ETNK2: variants seen among roughly 807,000 people sequenced by gnomAD.
ETNK2 encodes ethanolamine kinase 2.
A neutral mutation model predicts 46.2 loss-of-function variants in ETNK2; 33 were observed. The ratio of observed to expected loss-of-function variants is 0.71; its 90% CI spans 0.54 to 0.96. The LOEUF is 0.96. ETNK2 is among the 40% of genes least tolerant of loss of function. ETNK2 has a pLI of 0.00. For missense variants in ETNK2, 445 were observed against 509.7 expected, an observed-to-expected ratio of 0.87 and a Z score of 1.22; for synonymous variants, 194 against 209.0, an observed-to-expected ratio of 0.93 and a Z score of 0.62.
chr1:204,151,828 G>C lies in ETNK2; in HGVS notation c.25C>G (p.Gln9Glu). The C allele has an allele frequency of 2.0e-6, 3 of 1,472,702 alleles. No individual in the cohort carries two copies. In the South Asian group the frequency reaches 4.2e-5, roughly 21 times the overall value. The allele number at this position is 1,472,702 out of a possible 1,614,324, so 91.2% of individuals were successfully genotyped here. ...CTCAGGTGAAAGGACGCGCGCGGCT[G>C]AGGGGCCGAAGGGGGCACAGCCATT... MAVPPSAP[Q>E]PRASFHLRRH... The change falls in exon 1 of 8, where the codon CAG becomes GAG. Residue 9 changes from glutamine to glutamate, a missense_variant. Coordinates refer to ENST00000367202, the MANE Select transcript of ETNK2 (RefSeq NM_018208.4). This position sits in a 1 kb window ranked among gnomAD's most constrained non-coding sequence, Gnocchi z 8.0.
Position 204,134,553 on chromosome 1 carries a change from G to A in ETNK2, c.1050C>T (p.Ile350=). The stretch of plus-strand genomic sequence containing the variant: ...AGTCGATGGTGGAGTACTGGTTCTG[G>A]ATGAGGGCCCAGAGAGCCCAGAAGA... ...SHFFWALWAL[I]QNQYSTIDFD... Residue 350 remains isoleucine, a synonymous_variant, in exon 7 of 8, where the codon ATC becomes ATT. Coordinates refer to ENST00000367202, the MANE Select transcript of ETNK2 (RefSeq NM_018208.4). 1.2e-6 allele frequency: 2 copies of A among 1,613,996 alleles called. No individual in the cohort carries two copies. The highest frequency in any genetic ancestry group is 1.7e-6 in the Non-Finnish European group (2 of 1,179,882).
chr1:204,141,146 G>T, intron 4 of ETNK2, 169 bp downstream of exon 4: 1 of 870,038 alleles, frequency 1.1e-6, no homozygotes, highest in Non-Finnish European at 1.9e-6. Context: ...ACTTTTCAAA[G>T]TGGGAATTTT....
intron 4 of ETNK2, 73 bp downstream of exon 4, chr1:204,141,242 A>T (rs771592260): frequency 6.3e-7 from 1 of 1,596,204 alleles, no homozygotes; most frequent in Non-Finnish European, 8.6e-7. Flanking sequence ...GCCAGCCGGA[A>T]GAACAGCTCC....
At chr1:204,138,027 T>A (rs985745858) in intron 5 of ETNK2, among the ~76,000 whole-genome samples, 2 of 152,172 alleles carry the variant, frequency 1.3e-5, no homozygotes, top group Non-Finnish European at 2.9e-5. Flanking sequence ...GTTCCCTCCT[T>A]CCTCTTCTTC....
Position 204,149,886 on chromosome 1 carries a change from C to A in ETNK2, c.335G>T (p.Arg112Leu), listed in dbSNP as rs751819221. The A allele has an allele frequency of 1.3e-6, 2 of 1,586,308 alleles. No homozygotes were observed. The highest frequency in any genetic ancestry group is 3.6e-5 in the Admixed American group (2 of 55,906). The change falls in exon 2 of 8, where the codon CGG becomes CTG. Residue 112 changes from arginine (R) to leucine (L), a missense_variant. By Grantham distance (102) the Arg-to-Leu change is moderately radical. Transcript: ENST00000367202. ...EEDMQDCVLV[R>L]VYGERTELLV... ...CAGCTCCGTCCGCTCCCCATACACCCGGACCAGCACGCAGTCCTGCATGTC... is the reference window on the plus strand; with the variant it reads ...CAGCTCCGTCCGCTCCCCATACACCAGGACCAGCACGCAGTCCTGCATGTC...
chr1:204,135,983 G>T (rs1657264622), intron 6 of ETNK2, among the ~76,000 whole-genome samples: 1 of 152,190 alleles, frequency 6.6e-6, no homozygotes, highest in Non-Finnish European at 1.5e-5. Flanking sequence ...ATTTGAGCAG[G>T]AAGAGCCTGT....
At chr1:204,139,119 A>G (rs1301421872) in intron 5 of ETNK2, among the ~76,000 whole-genome samples, 1 of 152,224 alleles carries the variant, frequency 6.6e-6, no homozygotes, top group African/African-American at 2.4e-5. Flanking sequence ...AGGGTCACAC[A>G]GCCAGTAAGC....
At chr1:204,138,783 G>C (rs966022008) in intron 5 of ETNK2, 1 of 152,272 alleles carries the variant, frequency 6.6e-6, no homozygotes, top group African/African-American at 2.4e-5. Flanking sequence ...GTCCAGCTCC[G>C]TCCATGTGAG....
intron 1 of ETNK2, 34 bp from the exon 2 acceptor site, chr1:204,149,996 GGGT>G: frequency 1.3e-5 from 6 of 449,318 alleles, no homozygotes; most frequent in South Asian, 1.7e-5. Flanking sequence ...GTGGGTGGGT[GGGT>G]GGGGCAGGAT....
intron 6 of ETNK2, among the ~76,000 whole-genome samples, chr1:204,136,389 C>G (rs1258500169): frequency 7.2e-6 from 1 of 137,976 alleles, no homozygotes; most frequent in Non-Finnish European, 1.5e-5. Flanking sequence ...GAGCGGGACC[C>G]TGTCTCAAAA....
chr1:204,146,557 C>A, intron 3 of ETNK2, 85 bp downstream of exon 3: 1 of 1,542,230 alleles, frequency 6.5e-7, no homozygotes. Context: ...AGCCCTTAAA[C>A]CTCCTAGCAG....
intron 1 of ETNK2, 39 bp from the exon 2 acceptor site, chr1:204,150,001 G>C: frequency 2.4e-6 from 1 of 423,954 alleles, no homozygotes; most frequent in Non-Finnish European, 4.9e-6. Context: ...TGGGTGGGTG[G>C]GGCAGGATCT....
chr1:204,150,003 G>A (rs1657945812), intron 1 of ETNK2, 41 bp from the exon 2 acceptor site: 4 of 432,122 alleles, frequency 9.3e-6, no homozygotes, highest in African/African-American at 2.1e-5. Flanking sequence ...GGTGGGTGGG[G>A]CAGGATCTCT....
intron 2 of ETNK2, among the ~76,000 whole-genome samples, chr1:204,148,340 C>T (rs1182000285): frequency 3.3e-5 from 5 of 152,210 alleles, no homozygotes; most frequent in South Asian, 4.1e-4. Context: ...GTGACAGCAT[C>T]GGATACACAG....
At position 204,131,966 on chromosome 1, in the gene ETNK2, G is replaced by C. The variant is rs1036459335; in HGVS notation, c.*218C>G. 2 of 571,208 alleles carry C rather than the reference G, an allele frequency of 3.5e-6. No homozygotes were observed. The highest frequency in any genetic ancestry group is 4.7e-4 in the Middle Eastern group (1 of 2,116). The allele number at this position is 571,208 out of a possible 1,614,324, so 35.4% of individuals were successfully genotyped here. Reference sequence around the variant, plus strand: ...CTCCCAAGCCTGGTGGGGTGAAGGGGACCCCCGGAAGGGGGTCCTATCAGC... The same window carrying C: ...CTCCCAAGCCTGGTGGGGTGAAGGGCACCCCCGGAAGGGGGTCCTATCAGC... On this transcript the variant is annotated 3_prime_UTR_variant, in exon 8 of 8. Coordinates refer to ENST00000367202, the MANE Select transcript of ETNK2 (RefSeq NM_018208.4). This position sits in a 1 kb window ranked among gnomAD's most constrained non-coding sequence, Gnocchi z 4.3.
intron 3 of ETNK2, among the ~76,000 whole-genome samples, chr1:204,143,951 A>T (rs991037536): frequency 1.4e-4 from 22 of 152,114 alleles, no homozygotes; most frequent in Non-Finnish European, 2.6e-4. Flanking sequence ...CTATTTCCAC[A>T]GGTGTCCGAC....
At chr1:204,135,018 G>C (rs1657228532) in intron 6 of ETNK2, among the ~76,000 whole-genome samples, 1 of 152,192 alleles carries the variant, frequency 6.6e-6, no homozygotes, top group Admixed American at 6.5e-5. Context: ...TCAGTGGGGG[G>C]CTGGAGCCTC....
intron 4 of ETNK2, 195 bp downstream of exon 4, chr1:204,141,120 C>T: frequency 2.7e-6 from 2 of 737,396 alleles, no homozygotes; most frequent in Non-Finnish European, 4.8e-6. Flanking sequence ...GCCACTGAGA[C>T]TGGCCCTTGG....
intron 3 of ETNK2, among the ~76,000 whole-genome samples, chr1:204,144,429 A>C (rs1241425618): frequency 1.3e-5 from 2 of 150,670 alleles, no homozygotes; most frequent in East Asian, 1.9e-4. Context: ...TGGGCACTTC[A>C]GGGGAATCTT....
Sources: allele counts gnomAD v4.1 joint callset (sites outside exome capture counted in the v4.1 genomes callset), GRCh38; gene constraint gnomAD v4.1.1; non-coding constraint Gnocchi (gnomAD v3.1); transcripts MANE v1.5; gene names NCBI Gene and HGNC (gene_info 2026-07-23, HGNC 2026-07-21).